The following SGCD variants were observed in gnomAD, a reference collection of about 807,000 sequenced individuals.
SGCD encodes the protein sarcoglycan delta, also known as delta-sarcoglycan.
In SGCD, 18 loss-of-function variants were observed where a neutral mutation model predicts 36.6. The ratio of observed to expected loss-of-function variants is 0.49; its 90% confidence interval spans 0.34 to 0.73. The LOEUF (loss-of-function observed/expected upper bound fraction) is 0.73, where lower values mean the gene tolerates loss of function less well. Ranked by LOEUF, SGCD falls within the 30% of genes least tolerant of loss-of-function variation. The probability of loss-of-function intolerance (pLI) is 0.01; values close to 1 mark genes in which losing one functional copy is unlikely to be tolerated. For synonymous variants in SGCD, 133 were observed against 130.6 expected (o/e 1.02, Z -0.12); for missense variants, 387 against 346.7 (o/e 1.12, Z -0.92).
At chr5:156,696,636 A>G (rs778258333) in intron 7 of SGCD, among the ~76,000 whole-genome samples, 2 of 152,116 alleles carry the variant, frequency 1.3e-5, no homozygotes, top group Non-Finnish European at 2.9e-5. Context: ...CAGCCTCCTG[A>G]GTAGCTGGGA....
intron 3 of SGCD, among the ~76,000 whole-genome samples, chr5:156,207,232 C>T (rs1016569292): frequency 6.6e-6 from 1 of 152,064 alleles, no homozygotes; most frequent in Non-Finnish European, 1.5e-5. Flanking sequence ...CTTCAAGATA[C>T]TTGTGACTCG....
At chr5:156,318,631 A>G (rs1317656945) in intron 3 of SGCD, among the ~76,000 whole-genome samples, 1 of 147,208 alleles carries the variant, frequency 6.8e-6, no homozygotes, top group Non-Finnish European at 1.5e-5. Context: ...TCACTCTGTC[A>G]CCTAGGCTGG....
chr5:156,346,955 G>A (rs536396379), intron 3 of SGCD, among the ~76,000 whole-genome samples: 10 of 151,772 alleles, frequency 6.6e-5, no homozygotes, highest in South Asian at 4.2e-4. Flanking sequence ...GCACCACCAC[G>A]CCCAGCTAAT....
chr5:156,301,243 T>C (rs1284959627), intron 3 of SGCD, among the ~76,000 whole-genome samples: 2 of 152,086 alleles, frequency 1.3e-5, no homozygotes, highest in Non-Finnish European at 2.9e-5. Context: ...TTACTTTTTA[T>C]TTTTTGTGTA....
intron 3 of SGCD, among the ~76,000 whole-genome samples, chr5:156,284,562 C>A (rs201858085): frequency 2.9e-4 from 44 of 152,144 alleles, no homozygotes; most frequent in African/African-American, 7.2e-4. Context: ...ACAGAACCAA[C>A]GACAAAAACC....
chr5:156,608,626 C>T (rs529174395), intron 6 of SGCD, among the ~76,000 whole-genome samples: 2 of 152,128 alleles, frequency 1.3e-5, no homozygotes, highest in African/African-American at 4.8e-5. Flanking sequence ...ATTGATCTGT[C>T]TAATGTTGAC....
intron 6 of SGCD, among the ~76,000 whole-genome samples, chr5:156,624,449 C>G (rs1043845241): frequency 6.6e-6 from 1 of 152,004 alleles, no homozygotes; most frequent in Admixed American, 6.6e-5. Context: ...GGCGTGTTAG[C>G]GGGCGCCTGT....
chr5:156,020,012 C>T (rs963850452), intron 1 of SGCD, among the ~76,000 whole-genome samples: 1 of 152,190 alleles, frequency 6.6e-6, no homozygotes, highest in East Asian at 1.9e-4. Flanking sequence ...TATTCTGCCT[C>T]CAAGCCCTTG....
chr5:156,250,106 C>A (rs1010433317), intron 3 of SGCD, among the ~76,000 whole-genome samples: 10 of 152,192 alleles, frequency 6.6e-5, no homozygotes, highest in African/African-American at 2.2e-4. Context: ...CTTTGATTCA[C>A]TTTCCTGCTT....
intron 3 of SGCD, among the ~76,000 whole-genome samples, chr5:156,406,754 T>G (rs1184383210): frequency 7.0e-6 from 1 of 143,110 alleles, no homozygotes; most frequent in Non-Finnish European, 1.5e-5. Context: ...CCTGCTGTAT[T>G]AGGGTTTTCT....
chr5:156,206,794 G>T (rs1055514427), intron 3 of SGCD, among the ~76,000 whole-genome samples: 2 of 151,688 alleles, frequency 1.3e-5, no homozygotes, highest in Non-Finnish European at 2.9e-5. Context: ...ATGGCATAGA[G>T]CATATAGAAT....
chr5:156,208,633 G>T (rs763368773), intron 3 of SGCD, among the ~76,000 whole-genome samples: 1 of 152,176 alleles, frequency 6.6e-6, no homozygotes, highest in Non-Finnish European at 1.5e-5. Flanking sequence ...TAATCACAAT[G>T]TGCCTTAAAA....
At chr5:156,385,846 A>C (rs568657057) in intron 3 of SGCD, among the ~76,000 whole-genome samples, 1 of 152,328 alleles carries the variant, frequency 6.6e-6, no homozygotes, top group Admixed American at 6.5e-5. Context: ...CACTGTGCTA[A>C]GTGATATTTA....
rs574505528 is a variant in SGCD at position 156,355,794 on chromosome 5, G to A, written c.192+11117G>A. Among the ~76,000 whole-genome samples the A allele has an allele frequency of 4.0e-4, 61 of 152,252 alleles. No homozygotes were observed. The East Asian group carries it at 9.8e-3, about 25-fold the overall frequency. ...TGGGATTACAGGCATGTGCCACCAC[G>A]CCTGGCTAATTTTTGTATTTTTAAT... On this transcript the variant is annotated intron_variant, in intron 3 of 8. Transcript: ENST00000337851.
At position 156,760,478 on chromosome 5, in the gene SGCD, C is replaced by T. The variant is rs1204152744; in HGVS notation, c.*1088C>T. 2 of 152,194 alleles carry T rather than the reference C, an allele frequency of 1.3e-5. No homozygotes were observed. Among genetic ancestry groups the T allele is most frequent in the Non-Finnish European group, 2.9e-5 (2 of 68,014 alleles). 9.4% of individuals were successfully genotyped at this position (152,194 alleles called of 1,614,324 possible). ...CATTCACAAACTCTCTGACTTTGTT[C>T]TTCTTATATATTTTTTCAGTGCCGG... On this transcript the variant is annotated 3_prime_UTR_variant, in exon 9 of 9. Coordinates refer to ENST00000337851, the MANE Select transcript of SGCD (RefSeq NM_000337.6).
the SGCD span, among the ~76,000 whole-genome samples, chr5:155,771,726 A>AT: frequency 6.6e-6 from 1 of 151,704 alleles, no homozygotes; most frequent in Non-Finnish European, 1.5e-5. Context: ...CCCGGCCTTA[A>AT]TTTTTTATAC....
chr5:155,922,624 A>G (rs957593802), intron 1 of SGCD, among the ~76,000 whole-genome samples: 3 of 152,212 alleles, frequency 2.0e-5, no homozygotes, highest in Non-Finnish European at 4.4e-5. Context: ...TATTTGGTCA[A>G]TATTTCTGAG....
At position 156,032,454 on chromosome 5, in the gene SGCD, C is replaced by T. The variant is rs1259784866; in HGVS notation, c.-281-85424C>T. On this transcript the variant is annotated intron_variant, in intron 1 of 9. Transcript: ENST00000517913. ...TGTTTAATGGCCGGGCACAGTGGCTCACACCTGTAATCCCAGCACTTTGGG... is the reference window on the plus strand; with the variant it reads ...TGTTTAATGGCCGGGCACAGTGGCTTACACCTGTAATCCCAGCACTTTGGG... 2.0e-5 allele frequency among the ~76,000 whole-genome samples: 3 copies of T among 151,880 alleles called. No homozygotes were observed. In the South Asian group the frequency reaches 6.2e-4, roughly 32 times the overall value.
intron 7 of SGCD, among the ~76,000 whole-genome samples, chr5:156,712,439 T>TAA (rs1409511547): frequency 6.6e-6 from 1 of 152,186 alleles, no homozygotes; most frequent in Non-Finnish European, 1.5e-5. Context: ...TTCAAAAAAT[T>TAA]AAAGTTTATT....
Sources: allele counts gnomAD v4.1 joint callset (sites outside exome capture counted in the v4.1 genomes callset), GRCh38; gene constraint gnomAD v4.1.1; transcripts MANE v1.5; gene names NCBI Gene and HGNC (gene_info 2026-07-23, HGNC 2026-07-21).